Variants in ATRN observed in about 807,000 individuals in gnomAD.
The protein encoded by ATRN is attractin-2.
In ATRN, 54 loss-of-function variants were observed where a neutral mutation model predicts 178.7. That is an observed-to-expected ratio of 0.30 (90% CI 0.24 to 0.38). ATRN has a LOEUF of 0.38. Among genes scored for constraint, ATRN ranks in the 10% least tolerant of loss-of-function variants. ATRN has a pLI of 1.00. For synonymous variants in ATRN, 636 were observed against 663.0 expected (o/e 0.96, Z 0.63); for missense variants, 1,443 against 1,815.1 (o/e 0.79, Z 3.73).
chr20:3,613,141 A>T (rs1480639981), intron 24 of ATRN, among the ~76,000 whole-genome samples: 4 of 152,200 alleles, frequency 2.6e-5, no homozygotes, highest in Non-Finnish European at 5.9e-5. Flanking sequence ...TTAAATTAAG[A>T]TCCACTTATG....
chr20:3,495,741 C>T (rs2084869131), intron 1 of ATRN, among the ~76,000 whole-genome samples: 1 of 151,112 alleles, frequency 6.6e-6, no homozygotes, highest in African/African-American at 2.4e-5. Flanking sequence ...CTATGTACTA[C>T]TGTGGGGGAG....
In ATRN at chr20:3,639,253, T is replaced by TTTTG. The variant is rs149653690; in HGVS notation, c.4050+335_4050+338dup. Among the ~76,000 whole-genome samples, 118 of 152,088 alleles carry TTTTG rather than the reference T, an allele frequency of 7.8e-4. 1 individual carries two copies. The highest frequency in any genetic ancestry group is 1.8e-3 in the African/African-American group (73 of 41,412). On this transcript the variant is annotated intron_variant, in intron 27 of 28. Transcript: ENST00000262919. ...TACATTGAACATCGAATCATTGTTT[T>TTTTG]TTTGTTTGTTTGTTTGTTTGAGACA...
In ATRN at chr20:3,583,939, A is replaced by T; in HGVS notation, c.2806A>T (p.Arg936Trp). The part of the protein sequence containing the change: ...AKQCRTPCAL[R>W]TACGDCTSGS... ...GCAGTGCCGGACACCATGTGCCTTGAGGACAGCATGTGGAGATTGCACCAG... is the reference window on the plus strand; with the variant it reads ...GCAGTGCCGGACACCATGTGCCTTGTGGACAGCATGTGGAGATTGCACCAG... The change falls in exon 17 of 29, where the codon AGG (arginine) becomes TGG (tryptophan). Residue 936 changes from arginine (R) to tryptophan (W), a missense_variant. Arg to Trp is a moderately radical substitution (Grantham distance 101). This residue lies in a region of ATRN where 212 missense variants were observed against 330.7 expected (regional missense o/e 0.64). Coordinates refer to ENST00000262919, the MANE Select transcript of ATRN (RefSeq NM_139321.3). 1 of 1,614,220 alleles carries T rather than the reference A, an allele frequency of 6.2e-7. No individual in the cohort carries two copies. The highest frequency in any genetic ancestry group is 8.5e-7 in the Non-Finnish European group (1 of 1,180,032).
chr20:3,496,541 T>C (rs2084882311), intron 1 of ATRN, among the ~76,000 whole-genome samples: 1 of 152,134 alleles, frequency 6.6e-6, no homozygotes, highest in Non-Finnish European at 1.5e-5. Context: ...TTTCTGTTCT[T>C]TTACATTTGC....
chr20:3,539,044 C>A (rs2085581760), intron 2 of ATRN, among the ~76,000 whole-genome samples: 1 of 152,192 alleles, frequency 6.6e-6, no homozygotes, highest in East Asian at 1.9e-4. Context: ...TGCCACATCA[C>A]CTTCTTTTAA....
chr20:3,591,158 T>C lies in ATRN; in HGVS notation c.3185-11T>C. 2 of 1,613,710 alleles carry C rather than the reference T, an allele frequency of 1.2e-6. No individual in the cohort carries two copies. The highest frequency in any genetic ancestry group is 1.7e-6 in the Non-Finnish European group (2 of 1,179,694). On this transcript the variant is annotated splice_polypyrimidine_tract_variant and intron_variant, in intron 18 of 28. Coordinates refer to ENST00000262919, the MANE Select transcript of ATRN (RefSeq NM_139321.3). ...CATGGTACAGACCCCTTGAAACTCT[T>C]TTTCTTGCAGCTTGCCAATGCAACG...
intron 24 of ATRN, chr20:3,615,904 G>A (rs1472231553): frequency 1.1e-5 from 5 of 443,068 alleles, no homozygotes; most frequent in Non-Finnish European, 2.3e-5. Flanking sequence ...GGGGTGGGGG[G>A]AAGGGGAAGG....
chr20:3,578,295 G>A (rs2146252387), intron 14 of ATRN, among the ~76,000 whole-genome samples: 1 of 152,334 alleles, frequency 6.6e-6, no homozygotes, highest in East Asian at 1.9e-4. Context: ...AGAAGGAAGT[G>A]TACCAGTCTA....
intron 1 of ATRN, among the ~76,000 whole-genome samples, chr20:3,477,705 T>C (rs1004958831): frequency 2.0e-5 from 3 of 152,006 alleles, no homozygotes; most frequent in Middle Eastern, 3.2e-3. Context: ...CCCAGTGCAA[T>C]GTAAGTTCCA....
chr20:3,604,240 T>C lies in ATRN; in HGVS notation c.3779T>C (p.Phe1260Ser), dbSNP rs940057480. ...NITFFVYVSN[F>S]TWPIKIQIAF... ...ACTTTCTTTGTTTATGTCAGTAATT[T>C]CACCTGGCCCATCAAAATTCAGGTA... Residue 1260 changes from phenylalanine (F) to serine (S), a missense_variant, in exon 24 of 29, where the codon TTC (phenylalanine) becomes TCC (serine). Around this residue, in one of 4 missense-constraint regions of ATRN, gnomAD observed 289 missense variants for 440.8 expected, o/e 0.66. Transcript: ENST00000262919. 1.2e-6 allele frequency: 2 copies of C among 1,602,768 alleles called. No homozygotes were observed. Among genetic ancestry groups the C allele is most frequent in the Non-Finnish European group, 8.5e-7 (1 of 1,177,110 alleles).
intron 1 of ATRN, among the ~76,000 whole-genome samples, chr20:3,521,422 CAT>C (rs1288959230): frequency 2.0e-5 from 3 of 151,598 alleles, no homozygotes; most frequent in East Asian, 1.9e-4. Flanking sequence ...TAAAGACAAA[CAT>C]GTAAATTCTT....
At chr20:3,525,639 C>G (rs1467555988) in intron 1 of ATRN, among the ~76,000 whole-genome samples, 1 of 152,132 alleles carries the variant, frequency 6.6e-6, no homozygotes, top group Non-Finnish European at 1.5e-5. Flanking sequence ...AGCATCGATG[C>G]GAGAATCCTC....
At chr20:3,607,292 T>C (rs1476100455) in intron 24 of ATRN, among the ~76,000 whole-genome samples, 2 of 152,218 alleles carry the variant, frequency 1.3e-5, no homozygotes, top group Non-Finnish European at 2.9e-5. Flanking sequence ...GAATAAGTTA[T>C]TGCTAACTAT....
chr20:3,561,595 T>C (rs1207134172), intron 8 of ATRN, among the ~76,000 whole-genome samples: 1 of 152,232 alleles, frequency 6.6e-6, no homozygotes. Flanking sequence ...ATATTTCCCT[T>C]GGTTAAATTT....
intron 25 of ATRN, 34 bp downstream of exon 25, chr20:3,624,606 T>G (rs774414564): frequency 6.5e-7 from 1 of 1,530,382 alleles, no homozygotes; most frequent in South Asian, 1.1e-5. Context: ...CTCTGTTCTT[T>G]TGATTTAGGC....
At chr20:3,616,730 C>G (rs2086850672) in intron 24 of ATRN, among the ~76,000 whole-genome samples, 1 of 152,104 alleles carries the variant, frequency 6.6e-6, no homozygotes, top group Non-Finnish European at 1.5e-5. Context: ...ACCCCACTGG[C>G]AGCAGTTGGG....
chr20:3,615,014 C>T (rs975173466), intron 24 of ATRN, among the ~76,000 whole-genome samples: 2 of 152,030 alleles, frequency 1.3e-5, no homozygotes, highest in Non-Finnish European at 2.9e-5. Context: ...ATTTTTCTAT[C>T]GATGGATGCT....
chr20:3,528,103 G>T (rs985586985), intron 1 of ATRN, among the ~76,000 whole-genome samples: 1 of 152,094 alleles, frequency 6.6e-6, no homozygotes, highest in African/African-American at 2.4e-5. Context: ...GGGCGTGGTG[G>T]CTCACACCTG....
At chr20:3,488,460 C>T (rs1020359466) in intron 1 of ATRN, among the ~76,000 whole-genome samples, 1 of 152,174 alleles carries the variant, frequency 6.6e-6, no homozygotes, top group African/African-American at 2.4e-5. Flanking sequence ...TTATGCATAT[C>T]CAATCCCATT....
Sources: allele counts gnomAD v4.1 joint callset (sites outside exome capture counted in the v4.1 genomes callset), GRCh38; gene constraint gnomAD v4.1.1; regional missense constraint gnomAD v4.1.1; transcripts MANE v1.5; gene names NCBI Gene and HGNC (gene_info 2026-07-23, HGNC 2026-07-21).